Variants in CCDC57 observed in about 807,000 individuals in gnomAD.
CCDC57 encodes coiled-coil domain containing 57, also known as coiled-coil domain-containing protein 57.
In CCDC57, 118 loss-of-function variants were observed where a neutral mutation model predicts 118.9. That is an observed-to-expected ratio of 0.99 (90% CI 0.86 to 1.16). The LOEUF (loss-of-function observed/expected upper bound fraction) is 1.16, where lower values mean the gene tolerates loss of function less well. Ranked by LOEUF, CCDC57 falls within the 50% of genes most tolerant of loss-of-function variation. The pLI, the probability that CCDC57 is intolerant of heterozygous loss-of-function variation, is 0.00. For missense variants in CCDC57, 1,300 were observed against 1,320.7 expected (o/e 0.98, Z 0.24); for synonymous variants, 527 against 532.9 (o/e 0.99, Z 0.15).
At position 82,196,807 on chromosome 17, in the gene CCDC57, ACG is replaced by A. The variant is rs1568458174; in HGVS notation, c.517-1445_517-1444del. Among the ~76,000 whole-genome samples, 6 of 150,538 alleles carry A rather than the reference ACG, an allele frequency of 4.0e-5. No homozygotes were observed. The East Asian group carries it at 7.8e-4, about 20-fold the overall frequency. On this transcript the variant is annotated intron_variant, in intron 4 of 19. Coordinates refer to ENST00000665763, the Ensembl canonical transcript of CCDC57. Reference sequence around the variant, plus strand: ...GAAGCCCCTCAGGACACCTGCAGAGACGCAGCCCCTCATGACTCCTGCACCTG... The same window carrying A: ...GAAGCCCCTCAGGACACCTGCAGAGACAGCCCCTCATGACTCCTGCACCTG...
chr17:82,122,513 C>A (rs2036862026), intron 19 of CCDC57, among the ~76,000 whole-genome samples: 1 of 79,588 alleles, frequency 1.3e-5, no homozygotes, highest in Non-Finnish European at 2.9e-5. Flanking sequence ...GACTCGGTCC[C>A]CAGGCCTGGG....
chr17:82,160,873 CAAAAAAA>C (rs55750984), intron 14 of CCDC57, among the ~76,000 whole-genome samples: 2 of 60,868 alleles, frequency 3.3e-5, no homozygotes, highest in Non-Finnish European at 5.8e-5. Context: ...GACTCTGTCT[CAAAAAAA>C]AAAAAAAAAA....
rs7212023 is a variant in CCDC57, at chr17:82,212,478, G to A, written c.-211+307C>T. On this transcript the variant is annotated intron_variant, in intron 1 of 19. Coordinates refer to ENST00000665763, the Ensembl canonical transcript of CCDC57. The surrounding 1 kb of genome is among the most constrained non-coding windows in gnomAD (Gnocchi z 4.1). Reference sequence around the variant, plus strand: ...GCCGTCCTTGCCGGCGGCGGAACCCGGGGAATTCTCCCGGGGCTGCGGGGC... The same window carrying A: ...GCCGTCCTTGCCGGCGGCGGAACCCAGGGAATTCTCCCGGGGCTGCGGGGC... Among the ~76,000 whole-genome samples, 66,865 of 149,750 alleles carry A rather than the reference G, an allele frequency of 0.45. 15,863 individuals are homozygous for A. The highest frequency in any genetic ancestry group is 0.88 in the East Asian group (4,397 of 5,000).
At chr17:82,190,001 ACT>A (rs1254601785) in intron 7 of CCDC57, among the ~76,000 whole-genome samples, 1 of 151,846 alleles carries the variant, frequency 6.6e-6, no homozygotes, top group East Asian at 1.9e-4. Flanking sequence ...TAAGAGTGAA[ACT>A]CTGTCTCAAA....
rs758544902 is a variant in CCDC57, at chr17:82,183,925, C to A, written c.1060G>T (p.Glu354Ter). 28 of 1,612,504 alleles carry A rather than the reference C, an allele frequency of 1.7e-5. No individual in the cohort carries two copies. Among genetic ancestry groups the A allele is most frequent in the Non-Finnish European group, 2.4e-5 (28 of 1,178,964 alleles). The change falls in exon 9 of 20, where the codon GAA becomes TAA. Residue 354 changes from glutamate (E) to a stop codon, truncating the protein, a stop_gained. Coordinates refer to ENST00000665763, the Ensembl canonical transcript of CCDC57. LOFTEE classifies it high-confidence loss of function. ...GCAGATTTTACAGTTGATGCATCTT[C>A]ACGAAGTCTAAACATAGAAGGGAAA...
At chr17:82,198,451 G>A (rs185888504) in intron 3 of CCDC57, 29 bp from the exon 3 acceptor site, 22 of 1,415,766 alleles carry the variant, frequency 1.6e-5, no homozygotes, top group Non-Finnish European at 2.1e-5. Context: ...ATTAAGAAAA[G>A]CCATACCAAA....
chr17:82,128,511 G>A (rs764630463), exon 18 of CCDC57: 71 of 1,564,198 alleles, frequency 4.5e-5, no homozygotes, highest in Non-Finnish European at 5.7e-5. Flanking sequence ...CTTGCAGGGC[G>A]TCAAGTCTGC....
intron 1 of CCDC57, among the ~76,000 whole-genome samples, chr17:82,210,204 G>A (rs1376754335): frequency 6.6e-6 from 1 of 152,060 alleles, no homozygotes; most frequent in Non-Finnish European, 1.5e-5. Context: ...CACTAACACC[G>A]AGACCGCGCC....
At chr17:82,174,567 A>G (rs2045222059) in intron 11 of CCDC57, among the ~76,000 whole-genome samples, 1 of 152,216 alleles carries the variant, frequency 6.6e-6, no homozygotes, top group South Asian at 2.1e-4. Flanking sequence ...GCAGATCCTC[A>G]GCATTTCAAA....
At chr17:82,132,050 G>A (rs1042345371) in intron 17 of CCDC57, among the ~76,000 whole-genome samples, 8 of 149,908 alleles carry the variant, frequency 5.3e-5, no homozygotes, top group East Asian at 2.0e-4. Flanking sequence ...CTCGGGAGGC[G>A]GAGGTTGCAG....
At chr17:82,194,654 C>T (rs2048089384) in intron 5 of CCDC57, among the ~76,000 whole-genome samples, 1 of 152,160 alleles carries the variant, frequency 6.6e-6, no homozygotes, top group African/African-American at 2.4e-5. Flanking sequence ...CAAAATCAGT[C>T]TATTAGGGTG....
intron 4 of CCDC57, among the ~76,000 whole-genome samples, chr17:82,197,986 G>A (rs1004760789): frequency 6.6e-6 from 1 of 152,118 alleles, no homozygotes; most frequent in African/African-American, 2.4e-5. Flanking sequence ...GGGACTTCAT[G>A]GCCTCCGTAA....
chr17:82,174,405 T>C (rs1390871273), intron 11 of CCDC57, among the ~76,000 whole-genome samples: 1 of 152,238 alleles, frequency 6.6e-6, no homozygotes, highest in African/African-American at 2.4e-5. Context: ...AATTTTGCCC[T>C]GTTTGTCTCT....
intron 10 of CCDC57, 112 bp downstream of exon 9, chr17:82,178,915 G>C (rs775970850): frequency 8.3e-7 from 1 of 1,201,692 alleles, no homozygotes; most frequent in Non-Finnish European, 1.2e-6. Flanking sequence ...ACTCAGTGAG[G>C]TTTAGTGTTT....
rs531085389 is a variant in CCDC57 at position 82,172,772 on chromosome 17, C to T, written c.1595G>A (p.Arg532Gln). 32 of 1,613,024 alleles carry T rather than the reference C, an allele frequency of 2.0e-5. No individual in the cohort carries two copies. Among genetic ancestry groups the T allele is most frequent in the Admixed American group, 1.7e-4 (10 of 59,882 alleles). The stretch of plus-strand genomic sequence containing the variant: ...TTTCCTCATCTGGGCAATCGCGTTT[C>T]GCAAGCTCGTGTTCTGCTCTCGGAG... The change falls in exon 12 of 20, where the codon CGA becomes CAA. Residue 532 changes from arginine to glutamine, a missense_variant. Arg to Gln is a conservative substitution (Grantham distance 43). Coordinates refer to ENST00000665763, the Ensembl canonical transcript of CCDC57. The surrounding 1 kb of genome is among the most constrained non-coding windows in gnomAD (Gnocchi z 5.2).
intron 19 of CCDC57, among the ~76,000 whole-genome samples, chr17:82,122,984 AC>A (rs1471571817): frequency 4.6e-5 from 7 of 151,798 alleles, no homozygotes; most frequent in Non-Finnish European, 8.8e-5. Context: ...AAATTCTACT[AC>A]CCCCCTGAGA....
chr17:82,211,898 G>C (rs192822084), intron 1 of CCDC57, among the ~76,000 whole-genome samples: 3 of 152,254 alleles, frequency 2.0e-5, no homozygotes, highest in Admixed American at 2.0e-4. Flanking sequence ...TTATCACTTT[G>C]TGATAATTTA....
rs1429037199 is a variant in CCDC57, at chr17:82,150,389, G to A, written c.2455+1171C>T. The stretch of plus-strand genomic sequence containing the variant: ...ACCTGGTGCACACCCAGAACCAGGC[G>A]CACACCCAGAACCAGGCGCACACCC... On this transcript the variant is annotated intron_variant, in intron 16 of 19. Transcript: ENST00000665763. Among the ~76,000 whole-genome samples, 246 of 93,798 alleles carry A rather than the reference G, an allele frequency of 2.6e-3. 3 individuals are homozygous for A. Among genetic ancestry groups the A allele is most frequent in the Non-Finnish European group, 1.3e-3 (61 of 46,386 alleles). 61.5% of individuals were successfully genotyped at this position (93,798 alleles called of 152,430 possible). A position where few individuals can be genotyped will look rare whatever the true frequency, so the allele number is the denominator to read the frequency against.
intron 11 of CCDC57, among the ~76,000 whole-genome samples, chr17:82,176,720 A>G (rs2045552978): frequency 6.6e-6 from 1 of 152,174 alleles, no homozygotes; most frequent in Non-Finnish European, 1.5e-5. Flanking sequence ...CCCCAACGGT[A>G]CAACTCCCTT....
Sources: allele counts gnomAD v4.1 joint callset (sites outside exome capture counted in the v4.1 genomes callset), GRCh38; gene constraint gnomAD v4.1.1; non-coding constraint Gnocchi (gnomAD v3.1); transcripts MANE v1.5; gene names NCBI Gene and HGNC (gene_info 2026-07-23, HGNC 2026-07-21).